Variants in EIF4B observed in about 807,000 individuals in gnomAD.
The protein encoded by EIF4B is eukaryotic translation initiation factor 4B.
Under a neutral mutation model 79.3 loss-of-function variants are expected in EIF4B, and 8 were observed. The ratio of observed to expected loss-of-function variants is 0.10; its 90% CI spans 0.06 to 0.18. EIF4B has a LOEUF of 0.18. Ranked by LOEUF, EIF4B falls within the 10% of genes least tolerant of loss-of-function variation. The probability of loss-of-function intolerance (pLI) is 1.00; values close to 1 mark genes in which losing one functional copy is unlikely to be tolerated. For synonymous variants in EIF4B, 238 were observed against 274.7 expected, an observed-to-expected ratio of 0.87 and a Z score of 1.32; for missense variants, 515 against 792.4, an observed-to-expected ratio of 0.65 and a Z score of 4.20.
intron 8 of EIF4B, among the ~76,000 whole-genome samples, chr12:53,029,103 C>T (rs1299460970): frequency 1.4e-5 from 2 of 139,918 alleles, no homozygotes; most frequent in African/African-American, 2.6e-5. Flanking sequence ...CCAGCCTGGG[C>T]GACAGTGAGA....
chr12:53,034,205 C>CA (rs2120973116), intron 9 of EIF4B, among the ~76,000 whole-genome samples, 171 bp downstream of exon 9: 1 of 152,306 alleles, frequency 6.6e-6, no homozygotes, highest in East Asian at 1.9e-4. Flanking sequence ...GTGTTAGGGA[C>CA]AGTTTTACAC....
intron 10 of EIF4B, among the ~76,000 whole-genome samples, chr12:53,035,231 G>A (rs1943519477): frequency 6.6e-6 from 1 of 151,838 alleles, no homozygotes; most frequent in Non-Finnish European, 1.5e-5. Context: ...TTGAGACAGG[G>A]TCTTACTCTG....
chr12:53,037,486 T>C lies in EIF4B; in HGVS notation c.1384T>C (p.Ser462Pro), dbSNP rs755698771. The C allele has an allele frequency of 3.0e-5, 48 of 1,613,610 alleles. No homozygotes were observed. The highest frequency in any genetic ancestry group is 5.3e-5 in the African/African-American group (4 of 74,916). The change falls in exon 11 of 15, where the codon TCT becomes CCT. Residue 462 changes from serine (S) to proline (P), a missense_variant. By Grantham distance (74) the Ser-to-Pro change is moderately conservative. Around this residue, in one of 6 missense-constraint regions of EIF4B, gnomAD observed 146 missense variants for 228.0 expected, o/e 0.64. Coordinates refer to ENST00000262056, the MANE Select transcript of EIF4B (RefSeq NM_001417.7). The part of the protein sequence containing the change: ...NKEEDCHSPT[S>P]KPPKPDQPLK... Reference sequence around the variant, plus strand: ...GGAGGAAGATTGCCACTCTCCAACTTCTAAACCTCCCAAACCTGATCAGCC... The same window carrying C: ...GGAGGAAGATTGCCACTCTCCAACTCCTAAACCTCCCAAACCTGATCAGCC...
intron 6 of EIF4B, among the ~76,000 whole-genome samples, chr12:53,023,235 A>G (rs1364527086): frequency 6.6e-6 from 1 of 152,038 alleles, no homozygotes. Context: ...ACTTTTTGAT[A>G]TATATATATA....
In EIF4B at chr12:53,011,566, G is replaced by GA. The variant is rs556122187; in HGVS notation, c.14-4906dup. 3.5e-3 allele frequency among the ~76,000 whole-genome samples: 532 copies of GA among 152,262 alleles called. 3 individuals carry two copies. The highest frequency in any genetic ancestry group is 6.1e-3 in the Non-Finnish European group (413 of 68,008). Reference sequence around the variant, plus strand: ...TTGGCATCTAATGAGCAGAATCAGAGATAACTGCTAAAATCCCCCCATGAC... The same window carrying GA: ...TTGGCATCTAATGAGCAGAATCAGAGAATAACTGCTAAAATCCCCCCATGAC... On this transcript the variant is annotated intron_variant, in intron 1 of 14. Transcript: ENST00000262056.
chr12:53,034,709 A>G lies in EIF4B; in HGVS notation c.1306A>G (p.Asn436Asp). Residue 436 changes from asparagine to aspartate, a missense_variant and splice_region_variant, in exon 10 of 15, where the codon AAT becomes GAT. Asn to Asp is a conservative substitution (Grantham distance 23, BLOSUM62 1). Around this residue, in one of 6 missense-constraint regions of EIF4B, gnomAD observed 146 missense variants for 228.0 expected, o/e 0.64. Coordinates refer to ENST00000262056, the MANE Select transcript of EIF4B (RefSeq NM_001417.7). ...TGGGACCTCCACCACATCTAGCAGA[A>G]GTAAGTCAGACCAGGGTGGGTATCG... ...QTGTSTTSSR[N>D]ARRRESEKSL... The G allele has an allele frequency of 1.2e-6, 2 of 1,614,070 alleles. No individual in the cohort carries two copies. The highest frequency in any genetic ancestry group is 1.7e-6 in the Non-Finnish European group (2 of 1,179,924).
chr12:53,012,899 C>G (rs1319086681), intron 1 of EIF4B, among the ~76,000 whole-genome samples: 1 of 152,170 alleles, frequency 6.6e-6, no homozygotes, highest in South Asian at 2.1e-4. Flanking sequence ...AGCCACCACA[C>G]CCAACAGTAA....
In EIF4B at chr12:53,040,774, C is replaced by T. The variant is rs1943620971; in HGVS notation, c.*551C>T. 1 of 144,188 alleles carries T rather than the reference C, an allele frequency of 6.9e-6. No individual in the cohort carries two copies. Among genetic ancestry groups the T allele is most frequent in the African/African-American group, 2.5e-5 (1 of 39,822 alleles). 8.9% of individuals were successfully genotyped at this position (144,188 alleles called of 1,614,324 possible). A position where few individuals can be genotyped will look rare whatever the true frequency, so the allele number is the denominator to read the frequency against. ...TTTAATTCTGAGTTTTGGGGGCCAG[C>T]CTAGAGGGAATTCCTTTTTTTTTTT... On this transcript the variant is annotated 3_prime_UTR_variant, in exon 15 of 15. Transcript: ENST00000262056.
At chr12:53,022,957 AGTTT>A (rs1943271431) in intron 6 of EIF4B, among the ~76,000 whole-genome samples, 5 of 152,220 alleles carry the variant, frequency 3.3e-5, no homozygotes, top group Admixed American at 2.0e-4. Context: ...TAAGGCCAGG[AGTTT>A]GAGAGCAGCC....
chr12:53,009,504 AAAC>A (rs1943026670), intron 1 of EIF4B, among the ~76,000 whole-genome samples: 1 of 152,014 alleles, frequency 6.6e-6, no homozygotes, highest in Admixed American at 6.6e-5. Context: ...CAAAAAAAAA[AAAC>A]AAAAACAAAC....
intron 8 of EIF4B, 132 bp from the exon 9 acceptor site, chr12:53,033,674 T>A (rs1173299566): frequency 1.0e-6 from 1 of 981,804 alleles, no homozygotes; most frequent in East Asian, 2.6e-5. Context: ...CTATTTGCCT[T>A]CTGTGGATTG....
rs546288859 is a variant in EIF4B at position 53,042,186 on chromosome 12, A to G, written c.*1963A>G. ...GGTTGTGGGTTTTTTGTTTTCTCCA[A>G]ATAAATCTGATCTTTAAAGTTCATT... is the stretch of plus-strand genomic sequence containing the variant. On this transcript the variant is annotated 3_prime_UTR_variant, in exon 15 of 15. Transcript: ENST00000262056. The G allele has an allele frequency of 1.4e-4, 22 of 152,710 alleles. No homozygotes were observed. The highest frequency in any genetic ancestry group is 2.5e-4 in the Non-Finnish European group (17 of 68,020). 9.5% of individuals were successfully genotyped at this position (152,710 alleles called of 1,614,324 possible). A position where few individuals can be genotyped will look rare whatever the true frequency, so the allele number is the denominator to read the frequency against.
At chr12:53,011,187 A>G (rs1943058197) in intron 1 of EIF4B, among the ~76,000 whole-genome samples, 1 of 152,130 alleles carries the variant, frequency 6.6e-6, no homozygotes, top group Admixed American at 6.5e-5. Context: ...GGATTGCTTA[A>G]GCCCTGGAGG....
chr12:53,007,792 A>G (rs973557993), intron 1 of EIF4B, among the ~76,000 whole-genome samples: 1 of 152,190 alleles, frequency 6.6e-6, no homozygotes, highest in African/African-American at 2.4e-5. Flanking sequence ...TTTGAGGTGC[A>G]TTTGAACATC....
At chr12:53,033,721 TA>T in intron 8 of EIF4B, 84 bp from the exon 9 acceptor site, 1 of 1,382,298 alleles carries the variant, frequency 7.2e-7, no homozygotes, top group South Asian at 1.5e-5. Flanking sequence ...TAGCATTTCA[TA>T]GGAGTTATAT....
chr12:53,032,768 T>C (rs2120967479), intron 8 of EIF4B, among the ~76,000 whole-genome samples: 1 of 148,326 alleles, frequency 6.7e-6, no homozygotes, highest in East Asian at 2.0e-4. Context: ...CCCCGGTGGG[T>C]TCAAGCGATT....
intron 1 of EIF4B, among the ~76,000 whole-genome samples, chr12:53,007,040 A>T (rs557412185): frequency 1.3e-5 from 2 of 152,144 alleles, no homozygotes; most frequent in Admixed American, 6.5e-5. Flanking sequence ...ACACGAGGGT[A>T]GTAGAGACGG....
intron 1 of EIF4B, 82 bp from the exon 2 acceptor site, chr12:53,016,391 T>C: frequency 1.4e-5 from 22 of 1,557,486 alleles, no homozygotes; most frequent in Non-Finnish European, 1.9e-5. Flanking sequence ...TCTTTCTAAA[T>C]AATGTTTTAC....
chr12:53,039,734 TTCTAAGAAAAA>T, intron 14 of EIF4B, 32 bp downstream of exon 14: 1 of 1,595,622 alleles, frequency 6.3e-7, no homozygotes, highest in Non-Finnish European at 8.5e-7. Flanking sequence ...CAATTTTTCA[TTCTAAGAAAAA>T]TTCTTAGAAT....
Sources: allele counts gnomAD v4.1 joint callset (sites outside exome capture counted in the v4.1 genomes callset), GRCh38; gene constraint gnomAD v4.1.1; regional missense constraint gnomAD v4.1.1; transcripts MANE v1.5; gene names NCBI Gene and HGNC (gene_info 2026-07-23, HGNC 2026-07-21).